The following DNAH8 variants were observed in gnomAD, a reference collection of about 807,000 sequenced individuals.
The protein encoded by DNAH8 is dynein axonemal heavy chain 8, also known as axonemal beta dynein heavy chain 8.
In DNAH8, 382 loss-of-function variants were observed where a neutral mutation model predicts 562.1. The ratio of observed to expected loss-of-function variants is 0.68; its 90% confidence interval spans 0.63 to 0.74. The LOEUF is 0.74. DNAH8 is among the 30% of genes least tolerant of loss of function. The pLI is 0.00. For synonymous variants in DNAH8, 1,881 were observed against 1,919.4 expected (o/e 0.98, Z 0.52); for missense variants, 5,203 against 5,620.4 (o/e 0.93, Z 2.37).
chr6:38,845,438 T>A, intron 35 of DNAH8, 136 bp from the exon 36 acceptor site: 1 of 641,668 alleles, frequency 1.6e-6, no homozygotes, highest in Non-Finnish European at 2.7e-6. Flanking sequence ...TGAAGCCTTT[T>A]CTTGGCTGTA....
chr6:38,863,784 T>C, intron 44 of DNAH8, 89 bp from the exon 45 acceptor site: 1 of 1,073,018 alleles, frequency 9.3e-7, no homozygotes, highest in Non-Finnish European at 1.3e-6. Context: ...TTTCAATGTA[T>C]AATGGTTTGG....
In DNAH8 at chr6:38,875,579, A is replaced by G. The variant is rs1303449071; in HGVS notation, c.7621-12A>G. ...TTAATTTAAAAATTTATTTTATTTG[A>G]AACATTTTCAGTCTCTCAATCTTCT... On this transcript the variant is annotated splice_polypyrimidine_tract_variant and intron_variant, in intron 52 of 92. Transcript: ENST00000327475. 1 of 1,422,766 alleles carries G rather than the reference A, an allele frequency of 7.0e-7. No individual in the cohort carries two copies. Among genetic ancestry groups the G allele is most frequent in the South Asian group, 1.5e-5 (1 of 68,310 alleles). 88.1% of individuals were successfully genotyped at this position (1,422,766 alleles called of 1,614,324 possible). A position where few individuals can be genotyped will look rare whatever the true frequency, so the allele number is the denominator to read the frequency against.
In DNAH8 at chr6:38,723,395, A is replaced by G; in HGVS notation, c.449A>G (p.Tyr150Cys). 6.2e-7 allele frequency: 1 copy of G among 1,612,482 alleles called. No homozygotes were observed. Among genetic ancestry groups the G allele is most frequent in the Non-Finnish European group, 8.5e-7 (1 of 1,179,792 alleles). ...CTGAAAATTGACCCTTCATACAAAT[A>G]TATATTTGAAATTCTAGCAGAAAAT... ...RRLKIDPSYK[Y>C]IFEILAENLG... Residue 150 changes from tyrosine (Y) to cysteine (C), a missense_variant, in exon 3 of 93, where the codon TAT becomes TGT. By Grantham distance (194) the Tyr-to-Cys change is radical (BLOSUM62 -2). Coordinates refer to ENST00000327475, the MANE Select transcript of DNAH8 (RefSeq NM_001206927.2).
intron 29 of DNAH8, 75 bp downstream of exon 29, chr6:38,826,466 T>C (rs1773330679): frequency 1.1e-6 from 1 of 913,682 alleles, no homozygotes; most frequent in Admixed American, 2.3e-5. Flanking sequence ...ACTAAGAAAG[T>C]GATTCTTTAA....
intron 73 of DNAH8, 130 bp downstream of exon 73, chr6:38,924,292 C>A: frequency 1.2e-6 from 1 of 830,394 alleles, no homozygotes. Flanking sequence ...GAGGGCAGAT[C>A]ATGAGGTCAG....
chr6:39,003,763 T>C (rs1368451642), intron 88 of DNAH8, among the ~76,000 whole-genome samples: 4 of 152,192 alleles, frequency 2.6e-5, no homozygotes, highest in Admixed American at 6.5e-5. Context: ...ACAAATACTG[T>C]TATAAAGTCA....
In DNAH8 at chr6:38,931,938, C is replaced by A. The variant is rs746729551; in HGVS notation, c.11402C>A (p.Thr3801Lys). ...ACGTCAGTCATTGATTTCACTGTTACAATGAAAGGACTTGAGAATCAGTTA... is the reference window on the plus strand; with the variant it reads ...ACGTCAGTCATTGATTTCACTGTTAAAATGAAAGGACTTGAGAATCAGTTA... Reference protein sequence around the residue: ...AKTSVIDFTVTMKGLENQLLR... With the variant: ...AKTSVIDFTVKMKGLENQLLR... The change falls in exon 76 of 93, where the codon ACA becomes AAA. Residue 3801 changes from threonine to lysine, a missense_variant. This residue lies in a region of DNAH8 where 1,399 missense variants were observed against 1,518.4 expected (regional missense o/e 0.92). Transcript: ENST00000327475. The A allele has an allele frequency of 1.9e-6, 3 of 1,610,082 alleles. No homozygotes were observed. The highest frequency in any genetic ancestry group is 2.5e-6 in the Non-Finnish European group (3 of 1,178,596).
chr6:38,827,616 T>C (rs1773454272), intron 29 of DNAH8, among the ~76,000 whole-genome samples: 1 of 151,818 alleles, frequency 6.6e-6, no homozygotes, highest in Non-Finnish European at 1.5e-5. Context: ...TTACTTTTAC[T>C]GCTTTAAAAA....
chr6:38,787,062 A>C lies in DNAH8; in HGVS notation c.2583+110A>C, dbSNP rs76217905. On this transcript the variant is annotated intron_variant, in intron 18 of 92. Transcript: ENST00000327475. Reference sequence around the variant, plus strand: ...TTATGCTTCATGGCATTGAGGGAAAATTTGTTAATATGTTGATTCTTGATA... The same window carrying C: ...TTATGCTTCATGGCATTGAGGGAAACTTTGTTAATATGTTGATTCTTGATA... The C allele has an allele frequency of 7.5e-3, 4,020 of 539,304 alleles. 125 individuals carry two copies. The highest frequency in any genetic ancestry group is 0.068 in the African/African-American group (3,466 of 50,758). The allele number at this position is 539,304 out of a possible 1,614,324, so 33.4% of individuals were successfully genotyped here. A position where few individuals can be genotyped will look rare whatever the true frequency, so the allele number is the denominator to read the frequency against.
chr6:38,791,482 A>G, intron 20 of DNAH8, 73 bp from the exon 21 acceptor site: 1 of 1,494,742 alleles, frequency 6.7e-7, no homozygotes, highest in African/African-American at 1.4e-5. Context: ...TTATAACTCA[A>G]GCCTCTTTTG....
Position 38,873,138 on chromosome 6 carries a change from A to C in DNAH8, c.7470A>C (p.Pro2490=), listed in dbSNP as rs1302940617. 1.2e-6 allele frequency: 2 copies of C among 1,613,390 alleles called. No individual in the cohort carries two copies. The highest frequency in any genetic ancestry group is 1.7e-5 in the Admixed American group (1 of 60,006). ...YISSSALSWR[P]ILQAWLKKRT... ...GCAGCTCTGCTCTCAGCTGGAGGCC[A>C]ATCTTACAGGTGGGGCAGAGAGATG... The change falls in exon 51 of 93, where the codon CCA becomes CCC. Residue 2490 remains proline, a synonymous_variant. Coordinates refer to ENST00000327475, the MANE Select transcript of DNAH8 (RefSeq NM_001206927.2).
chr6:38,872,613 G>C lies in DNAH8; in HGVS notation c.7068G>C (p.Thr2356=). Residue 2356 remains threonine (T), a synonymous_variant, in exon 50 of 93, where the codon ACG becomes ACC. Transcript: ENST00000327475. ...PSGSGKTTVI[T]ILMKAQTECG... Reference sequence around the variant, plus strand: ...GTTCTGGAAAGACAACCGTTATCACGATTCTAATGAAGGCGCAAACAGAAT... The same window carrying C: ...GTTCTGGAAAGACAACCGTTATCACCATTCTAATGAAGGCGCAAACAGAAT... The C allele has an allele frequency of 1.2e-6, 2 of 1,614,066 alleles. No homozygotes were observed. The highest frequency in any genetic ancestry group is 1.7e-6 in the Non-Finnish European group (2 of 1,179,972).
At chr6:38,889,821 A>C (rs1407769383) in intron 57 of DNAH8, among the ~76,000 whole-genome samples, 1 of 152,206 alleles carries the variant, frequency 6.6e-6, no homozygotes, top group African/African-American at 2.4e-5. Flanking sequence ...TTCTTCAATT[A>C]GTGTGAACAA....
intron 82 of DNAH8, among the ~76,000 whole-genome samples, chr6:38,968,731 T>G (rs1393843511): frequency 6.6e-6 from 1 of 152,144 alleles, no homozygotes; most frequent in Non-Finnish European, 1.5e-5. Flanking sequence ...TAGCAGTTTC[T>G]CAGAAAGTTA....
chr6:38,820,817 A>G (rs1772758357), intron 26 of DNAH8, among the ~76,000 whole-genome samples: 2 of 152,214 alleles, frequency 1.3e-5, no homozygotes, highest in African/African-American at 2.4e-5. Context: ...ATACCCTTTC[A>G]TGATAAACAT....
In DNAH8 at chr6:38,741,756, G is replaced by A. The variant is rs1389979247; in HGVS notation, c.1162G>A (p.Gly388Ser). The A allele has an allele frequency of 3.7e-6, 6 of 1,613,826 alleles. No homozygotes were observed. In the Admixed American group the frequency reaches 6.7e-5, roughly 18 times the overall value. Residue 388 changes from glycine to serine, a missense_variant, in exon 8 of 93, where the codon GGT (glycine) becomes AGT (serine). Transcript: ENST00000327475. ...EQMRKEAGDS[G>S]PLTELEHWKR... ...GATGAGAAAAGAAGCTGGTGATTCA[G>A]GTCCACTCACTGAATTGGAACACTG...
intron 85 of DNAH8, among the ~76,000 whole-genome samples, chr6:38,977,174 C>A (rs760378035): frequency 6.6e-6 from 1 of 152,144 alleles, no homozygotes; most frequent in African/African-American, 2.4e-5. Context: ...TGGTGGAGGG[C>A]GTGGTTTGCT....
Position 38,862,428 on chromosome 6 carries a change from G to C in DNAH8, c.6280G>C (p.Asp2094His), listed in dbSNP as rs1166855216. Residue 2094 changes from aspartate (D) to histidine (H), a missense_variant, in exon 44 of 93, where the codon GAT becomes CAT. Asp to His is a moderately conservative substitution (Grantham distance 81). Transcript: ENST00000327475. Reference sequence around the variant, plus strand: ...CGTGTTCAATTGCTCAGATCAAATGGATTTCAGAGGCCTAGGAAGGATTTT... The same window carrying C: ...CGTGTTCAATTGCTCAGATCAAATGCATTTCAGAGGCCTAGGAAGGATTTT... ...VVVFNCSDQM[D>H]FRGLGRIFKG... 3 of 1,613,688 alleles carry C rather than the reference G, an allele frequency of 1.9e-6. No homozygotes were observed. Among genetic ancestry groups the C allele is most frequent in the Non-Finnish European group, 2.5e-6 (3 of 1,179,824 alleles).
intron 82 of DNAH8, among the ~76,000 whole-genome samples, chr6:38,962,966 G>C (rs982546546): frequency 1.3e-5 from 2 of 152,166 alleles, no homozygotes; most frequent in Non-Finnish European, 2.9e-5. Flanking sequence ...GGACTTTGGG[G>C]ACTGGGGAGA....
Sources: gnomAD v4.1 joint callset for allele counts (sites outside exome capture counted in the v4.1 genomes callset) on GRCh38, gnomAD v4.1.1 for gene constraint, gnomAD v4.1.1 regional missense constraint, MANE v1.5 for transcripts, NCBI Gene and HGNC (gene_info 2026-07-23, HGNC 2026-07-21) for gene names.